The following WDFY4 variants were observed in gnomAD, a reference collection of about 807,000 sequenced individuals.
The protein encoded by WDFY4 is WD repeat- and FYVE domain-containing protein 4.
WDFY4 carries 169 observed loss-of-function variants against 351.9 expected under a neutral mutation model. That is an observed-to-expected ratio of 0.48 (90% CI 0.42 to 0.55). The LOEUF is 0.55. Ranked by LOEUF, WDFY4 falls within the 20% of genes least tolerant of loss-of-function variation. WDFY4 has a pLI of 0.00. For missense variants in WDFY4, 3,803 were observed against 3,935.6 expected, an observed-to-expected ratio of 0.97 and a Z score of 0.90; for synonymous variants, 1,622 against 1,574.6, an observed-to-expected ratio of 1.03 and a Z score of -0.71.
At chr10:48,931,636 G>C (rs755836120) in intron 47 of WDFY4, among the ~76,000 whole-genome samples, 3 of 152,210 alleles carry the variant, frequency 2.0e-5, no homozygotes, top group African/African-American at 7.2e-5. Context: ...GGTTAGTGGA[G>C]AAAAAGGGTA....
chr10:48,981,709 C>G (rs1446796855), intron 61 of WDFY4, among the ~76,000 whole-genome samples: 1 of 152,224 alleles, frequency 6.6e-6, no homozygotes, highest in Non-Finnish European at 1.5e-5. Context: ...TGCCCTTGCT[C>G]TCTTGCTCTT....
rs573557918 is a variant in WDFY4 at position 48,855,225 on chromosome 10, A to G, written c.6664-12040A>G. On this transcript the variant is annotated intron_variant, in intron 39 of 61. Coordinates refer to ENST00000325239, the MANE Select transcript of WDFY4 (RefSeq NM_001394531.1). Reference sequence around the variant, plus strand: ...CATAGGGAAAAAGTGGATCATAAATATACAGATTTAAGAATTTTAATAAAG... The same window carrying G: ...CATAGGGAAAAAGTGGATCATAAATGTACAGATTTAAGAATTTTAATAAAG... 1.6e-3 allele frequency among the ~76,000 whole-genome samples: 250 copies of G among 152,298 alleles called. 2 individuals carry two copies. Among genetic ancestry groups the G allele is most frequent in the Admixed American group, 4.6e-3 (71 of 15,302 alleles).
chr10:48,842,368 A>G (rs994643531), intron 39 of WDFY4, among the ~76,000 whole-genome samples: 1 of 152,054 alleles, frequency 6.6e-6, no homozygotes, highest in East Asian at 1.9e-4. Flanking sequence ...TGCGACAAGC[A>G]GTGTCCTCAC....
At chr10:48,951,226 T>A (rs1345786097) in intron 51 of WDFY4, among the ~76,000 whole-genome samples, 4 of 152,224 alleles carry the variant, frequency 2.6e-5, no homozygotes, top group African/African-American at 9.6e-5. Flanking sequence ...ATAAGATTTT[T>A]ACAATCCAGA....
intron 20 of WDFY4, among the ~76,000 whole-genome samples, chr10:48,787,902 TCTTCTTCTTCTTC>T (rs2066504024): frequency 6.6e-5 from 2 of 30,424 alleles, no homozygotes; most frequent in African/African-American, 3.6e-4. Context: ...TCCTTCTTCT[TCTTCTTCTTCTTC>T]TTCTTCTTCT....
rs1464502095 is a variant in WDFY4 at position 48,820,447 on chromosome 10, A to G, written c.5709+10A>G. 6.5e-7 allele frequency: 1 copy of G among 1,550,268 alleles called. No individual in the cohort carries two copies. The highest frequency in any genetic ancestry group is 8.7e-7 in the Non-Finnish European group (1 of 1,146,192). On this transcript the variant is annotated intron_variant, in intron 33 of 61. Transcript: ENST00000325239. ...GGAGGTGCTCCTGGAGGTGGGTTGG[A>G]AAAGGTGACATTGGGCCATGTGCTG...
chr10:48,765,309 G>A (rs2065633759), intron 13 of WDFY4, among the ~76,000 whole-genome samples: 1 of 152,202 alleles, frequency 6.6e-6, no homozygotes, highest in Non-Finnish European at 1.5e-5. Flanking sequence ...GCAGATTGTG[G>A]TCAAGTCTCA....
intron 32 of WDFY4, among the ~76,000 whole-genome samples, chr10:48,819,134 C>G (rs1158758796): frequency 6.6e-6 from 1 of 152,234 alleles, no homozygotes; most frequent in Non-Finnish European, 1.5e-5. Flanking sequence ...AGTTCCTGCC[C>G]AGGGGAGGGT....
chr10:48,787,871 CTTCTTTCTTT>C, intron 20 of WDFY4, among the ~76,000 whole-genome samples: 1 of 105,460 alleles, frequency 9.5e-6, no homozygotes, highest in African/African-American at 5.2e-5. Context: ...CTTCTTCTTT[CTTCTTTCTTT>C]CTTCTTCTTC....
At chr10:48,729,987 G>A (rs2064403718) in intron 8 of WDFY4, among the ~76,000 whole-genome samples, 4 of 152,336 alleles carry the variant, frequency 2.6e-5, no homozygotes, top group Middle Eastern at 3.4e-3. Flanking sequence ...CAGGCACTCT[G>A]CCCCATGCTG....
At chr10:48,800,214 A>G (rs997480849) in intron 24 of WDFY4, among the ~76,000 whole-genome samples, 2 of 152,186 alleles carry the variant, frequency 1.3e-5, no homozygotes, top group Non-Finnish European at 2.9e-5. Context: ...AAGAGACTTA[A>G]GTCTGTTTGT....
At chr10:48,787,807 C>CTCCTCCTCTTCTTCTTCTTCTTCTTCT (rs796166984) in intron 20 of WDFY4, among the ~76,000 whole-genome samples, 2 of 76,680 alleles carry the variant, frequency 2.6e-5, no homozygotes, top group African/African-American at 1.3e-4. Context: ...CCTCCTCCTC[C>CTCCTCCTCTTCTTCTTCTTCTTCTTCT]TCTTCTTCTT....
chr10:48,809,302 C>T (rs1049729641), intron 28 of WDFY4, among the ~76,000 whole-genome samples: 4 of 151,624 alleles, frequency 2.6e-5, no homozygotes, highest in African/African-American at 9.7e-5. Flanking sequence ...TCACCACCAT[C>T]ATCACCATCA....
At chr10:48,822,025 G>A (rs1240901078) in intron 34 of WDFY4, among the ~76,000 whole-genome samples, 17 of 152,166 alleles carry the variant, frequency 1.1e-4, no homozygotes, top group Admixed American at 9.8e-4. Flanking sequence ...ATGACAGTAT[G>A]GCTTTATCCT....
At chr10:48,912,680 A>G (rs1361065760) in intron 47 of WDFY4, among the ~76,000 whole-genome samples, 1 of 152,206 alleles carries the variant, frequency 6.6e-6, no homozygotes, top group East Asian at 1.9e-4. Context: ...TGCCACCATT[A>G]TTTCGTTTCT....
intron 13 of WDFY4, among the ~76,000 whole-genome samples, chr10:48,766,059 T>G (rs1215470867): frequency 6.6e-6 from 1 of 152,250 alleles, no homozygotes; most frequent in Non-Finnish European, 1.5e-5. Flanking sequence ...TAGCCCTGGA[T>G]AGCATTGCAT....
chr10:48,943,669 C>T (rs927382241), intron 49 of WDFY4, among the ~76,000 whole-genome samples: 21 of 152,212 alleles, frequency 1.4e-4, no homozygotes, highest in Admixed American at 2.0e-4. Context: ...CTCTGCTCAC[C>T]GCAACTTCCG....
At chr10:48,915,444 A>G (rs1391057643) in intron 47 of WDFY4, among the ~76,000 whole-genome samples, 1 of 151,668 alleles carries the variant, frequency 6.6e-6, no homozygotes, top group Non-Finnish European at 1.5e-5. Flanking sequence ...AAGATTTCCA[A>G]ACCAGGCAGA....
intron 13 of WDFY4, among the ~76,000 whole-genome samples, chr10:48,761,132 G>A (rs1225964027): frequency 6.6e-6 from 1 of 152,112 alleles, no homozygotes; most frequent in African/African-American, 2.4e-5. Context: ...AGACCTGAAG[G>A]GTGAGTAGCT....
Sources: allele counts gnomAD v4.1 joint callset (sites outside exome capture counted in the v4.1 genomes callset), GRCh38; gene constraint gnomAD v4.1.1; transcripts MANE v1.5; gene names NCBI Gene and HGNC (gene_info 2026-07-23, HGNC 2026-07-21).